STPG2: variants seen among roughly 807,000 people sequenced by gnomAD.
STPG2 encodes sperm-tail PG-rich repeat-containing protein 2.
In STPG2, 56 loss-of-function variants were observed where a neutral mutation model predicts 54.2. The ratio of observed to expected loss-of-function variants is 1.03; its 90% confidence interval spans 0.83 to 1.29. STPG2 has a LOEUF of 1.29. STPG2 is among the 50% of genes most tolerant of loss of function. The pLI is 0.00. For missense variants in STPG2, 596 were observed against 544.9 expected (o/e 1.09, Z -0.93); for synonymous variants, 200 against 181.8 (o/e 1.10, Z -0.81).
At chr4:97,757,635 T>A (rs184022852) in intron 9 of STPG2, among the ~76,000 whole-genome samples, 9 of 152,320 alleles carry the variant, frequency 5.9e-5, no homozygotes, top group Admixed American at 3.9e-4. Context: ...TAACCACCTC[T>A]AATATACAAA....
At chr4:98,094,568 G>A (rs909549099) in intron 5 of STPG2, among the ~76,000 whole-genome samples, 1 of 152,108 alleles carries the variant, frequency 6.6e-6, no homozygotes, top group Admixed American at 6.5e-5. Context: ...TAGGCTCTTG[G>A]ACAGCATTTC....
intron 5 of STPG2, among the ~76,000 whole-genome samples, chr4:98,047,335 G>A (rs182279538): frequency 1.2e-3 from 181 of 151,956 alleles, no homozygotes; most frequent in African/African-American, 3.9e-3. Flanking sequence ...CATGAGGAGC[G>A]CCCATACACT....
chr4:97,615,709 T>A (rs72890849), intron 10 of STPG2, among the ~76,000 whole-genome samples: 20,066 of 151,890 alleles, frequency 0.13, 4,087 homozygotes, highest in African/African-American at 0.44. Context: ...GAATGGTTCA[T>A]GAATTTCATT....
intron 8 of STPG2, among the ~76,000 whole-genome samples, chr4:97,876,143 A>G (rs1347615576): frequency 6.6e-6 from 1 of 152,110 alleles, no homozygotes; most frequent in Non-Finnish European, 1.5e-5. Flanking sequence ...TCTGTCTTCC[A>G]ATTAGGACAT....
intron 9 of STPG2, among the ~76,000 whole-genome samples, chr4:97,785,310 T>C (rs1021258811): frequency 6.6e-6 from 1 of 152,026 alleles, no homozygotes; most frequent in African/African-American, 2.4e-5. Flanking sequence ...GTCATTTTAA[T>C]ATATTATAAA....
intron 8 of STPG2, among the ~76,000 whole-genome samples, chr4:97,887,510 G>A (rs933133258): frequency 1.3e-5 from 2 of 152,148 alleles, no homozygotes; most frequent in Non-Finnish European, 2.9e-5. Flanking sequence ...TCTAACAGAA[G>A]AAATTTCTAA....
intron 8 of STPG2, among the ~76,000 whole-genome samples, chr4:97,881,529 T>C (rs1435609102): frequency 1.3e-5 from 2 of 152,108 alleles, no homozygotes; most frequent in African/African-American, 2.4e-5. Flanking sequence ...GTTTAAAACA[T>C]TCCTATAGTC....
intron 4 of STPG2, among the ~76,000 whole-genome samples, chr4:97,479,589 A>T (rs940173312): frequency 6.6e-6 from 1 of 151,934 alleles, no homozygotes; most frequent in Non-Finnish European, 1.5e-5. Context: ...ATTGATTAGC[A>T]TCTAGATTTC....
intron 8 of STPG2, among the ~76,000 whole-genome samples, chr4:97,883,648 C>A (rs1730460011): frequency 6.6e-6 from 1 of 151,972 alleles, no homozygotes; most frequent in Non-Finnish European, 1.5e-5. Flanking sequence ...TTAGACTCGA[C>A]AGAGCCAAGG....
At chr4:98,072,570 T>TAATAAAATAA (rs10646385) in intron 5 of STPG2, among the ~76,000 whole-genome samples, 85 of 145,000 alleles carry the variant, frequency 5.9e-4, no homozygotes, top group African/African-American at 2.0e-3. Flanking sequence ...GAAGGGAAAA[T>TAATAAAATAA]AATAAAATAA....
intron 4 of STPG2, among the ~76,000 whole-genome samples, chr4:97,481,721 T>C (rs2148821318): frequency 6.6e-6 from 1 of 151,776 alleles, no homozygotes; most frequent in Non-Finnish European, 1.5e-5. Context: ...AAAATTCACT[T>C]ATTAATTCTA....
intron 9 of STPG2, among the ~76,000 whole-genome samples, chr4:97,758,949 T>C (rs1384456487): frequency 2.0e-5 from 3 of 152,042 alleles, no homozygotes; most frequent in Non-Finnish European, 2.9e-5. Context: ...ATAATAAAGA[T>C]GCCAGGGAAG....
At chr4:97,485,168 A>G (rs1359957812) in intron 4 of STPG2, among the ~76,000 whole-genome samples, 1 of 151,746 alleles carries the variant, frequency 6.6e-6, no homozygotes, top group Non-Finnish European at 1.5e-5. Context: ...GTCCACTCTC[A>G]CCACTCCACT....
intron 5 of STPG2, among the ~76,000 whole-genome samples, chr4:98,067,740 C>T (rs1031970526): frequency 2.0e-5 from 3 of 152,060 alleles, no homozygotes; most frequent in Admixed American, 6.6e-5. Context: ...TTAAAGGTTT[C>T]AACAATAAGC....
At chr4:98,064,309 T>C (rs1737756417) in intron 5 of STPG2, among the ~76,000 whole-genome samples, 1 of 152,194 alleles carries the variant, frequency 6.6e-6, no homozygotes, top group Non-Finnish European at 1.5e-5. Flanking sequence ...TTGACATTCT[T>C]GTTATCGCTA....
chr4:98,119,739 C>T (rs1043636174), intron 3 of STPG2, among the ~76,000 whole-genome samples: 21 of 151,916 alleles, frequency 1.4e-4, no homozygotes, highest in Admixed American at 1.1e-3. Flanking sequence ...CTCTCCATCC[C>T]CCAAACCTAC....
At chr4:97,918,648 A>C (rs987656734) in intron 8 of STPG2, among the ~76,000 whole-genome samples, 15 of 152,186 alleles carry the variant, frequency 9.9e-5, no homozygotes, top group Non-Finnish European at 1.5e-4. Context: ...AAAAGGAATG[A>C]AATAATGGCA....
intron 9 of STPG2, among the ~76,000 whole-genome samples, chr4:97,759,150 T>G (rs1413864595): frequency 6.6e-6 from 1 of 152,048 alleles, no homozygotes; most frequent in Non-Finnish European, 1.5e-5. Flanking sequence ...GCAAACAAAG[T>G]CATCCACAAG....
intron 1 of STPG2, among the ~76,000 whole-genome samples, chr4:98,142,568 GA>G (rs201240028): frequency 1.4e-5 from 2 of 143,980 alleles, no homozygotes; most frequent in Non-Finnish European, 3.0e-5. Flanking sequence ...AAATCTGTCT[GA>G]AAAAAAAACG....
Sources: allele counts gnomAD v4.1 joint callset (sites outside exome capture counted in the v4.1 genomes callset), GRCh38; gene constraint gnomAD v4.1.1; transcripts MANE v1.5; gene names NCBI Gene and HGNC (gene_info 2026-07-23, HGNC 2026-07-21).